POM121C: variants seen among roughly 807,000 people sequenced by gnomAD.
POM121C encodes the protein POM121 transmembrane nucleoporin C, also known as nuclear envelope pore membrane protein POM 121C.
POM121C carries 20 observed loss-of-function variants against 66.4 expected under a neutral mutation model. The observed-to-expected ratio is 0.30, with a 90% CI of 0.21 to 0.44. The LOEUF (loss-of-function observed/expected upper bound fraction) is 0.44, where lower values mean the gene tolerates loss of function less well. POM121C is among the 20% of genes least tolerant of loss of function. POM121C has a pLI of 1.00. For missense variants in POM121C, 580 were observed against 1,225.7 expected, an observed-to-expected ratio of 0.47 and a Z score of 7.87; for synonymous variants, 286 against 528.0, an observed-to-expected ratio of 0.54 and a Z score of 6.28.
chr7:75,478,437 G>A (rs1792177211), intron 1 of POM121C, among the ~76,000 whole-genome samples: 1 of 151,260 alleles, frequency 6.6e-6, no homozygotes, highest in Admixed American at 6.6e-5. Flanking sequence ...ATGGGAAAAT[G>A]GGCAGGAAAT....
intron 7 of POM121C, among the ~76,000 whole-genome samples, chr7:75,429,622 C>T (rs781816340): frequency 6.6e-6 from 1 of 152,046 alleles, no homozygotes; most frequent in Non-Finnish European, 1.5e-5. Context: ...CAGAGCGAGA[C>T]TCCATCTCAC....
At chr7:75,468,873 C>T (rs1228248178) in intron 3 of POM121C, among the ~76,000 whole-genome samples, 5 of 152,070 alleles carry the variant, frequency 3.3e-5, no homozygotes, top group Admixed American at 1.3e-4. Flanking sequence ...ATTTTTAAAA[C>T]ATTAAAAATT....
chr7:75,483,194 A>G (rs1792376236), intron 1 of POM121C, among the ~76,000 whole-genome samples: 1 of 152,226 alleles, frequency 6.6e-6, no homozygotes, highest in South Asian at 2.1e-4. Context: ...CTCTGCTTAC[A>G]TAAGCACCAA....
intron 3 of POM121C, among the ~76,000 whole-genome samples, chr7:75,466,181 C>T (rs1398862235): frequency 6.8e-6 from 1 of 147,584 alleles, no homozygotes. Flanking sequence ...TAGGTAAATT[C>T]ATAGCCCTAA....
chr7:75,448,724 G>A lies in POM121C; in HGVS notation c.-151-7077C>T, dbSNP rs587745440. ...GGTGAGGCAGGAGAATCGCTTGAAC[G>A]GGGAGGCGGAGGTTGCAGTGAGCCG... On this transcript the variant is annotated intron_variant, in intron 3 of 14. Coordinates refer to ENST00000615331, the MANE Select transcript of POM121C (RefSeq NM_001099415.3). Among the ~76,000 whole-genome samples the A allele has an allele frequency of 1.9e-4, 28 of 145,898 alleles. No homozygotes were observed. The East Asian group carries it at 5.1e-3, about 27-fold the overall frequency.
intron 3 of POM121C, among the ~76,000 whole-genome samples, chr7:75,468,629 T>G (rs587622412): frequency 6.6e-6 from 1 of 152,118 alleles, no homozygotes; most frequent in African/African-American, 2.4e-5. Context: ...GACTCCAGCA[T>G]TTTTATCTTC....
chr7:75,437,893 T>G (rs782398070), intron 6 of POM121C, among the ~76,000 whole-genome samples: 1 of 152,164 alleles, frequency 6.6e-6, no homozygotes, highest in Non-Finnish European at 1.5e-5. Flanking sequence ...TTATAGAATA[T>G]TCTGGAAAAT....
chr7:75,456,722 T>C (rs1791230224), intron 3 of POM121C, among the ~76,000 whole-genome samples: 1 of 152,284 alleles, frequency 6.6e-6, no homozygotes, highest in South Asian at 2.1e-4. Flanking sequence ...GCCGCTAAAA[T>C]GAGAAGTAAC....
intron 3 of POM121C, among the ~76,000 whole-genome samples, chr7:75,449,049 C>A (rs1488284623): frequency 6.6e-6 from 1 of 151,166 alleles, no homozygotes; most frequent in African/African-American, 2.4e-5. Flanking sequence ...GCCTTCCAAG[C>A]AGCTGGGACT....
intron 3 of POM121C, among the ~76,000 whole-genome samples, chr7:75,471,955 C>T (rs1253713416): frequency 2.0e-5 from 3 of 151,872 alleles, no homozygotes; most frequent in Non-Finnish European, 2.9e-5. Context: ...GTGTGATCTC[C>T]GCTCACTGCA....
intron 7 of POM121C, among the ~76,000 whole-genome samples, chr7:75,428,296 C>T (rs1790036396): frequency 1.3e-5 from 2 of 152,202 alleles, no homozygotes. Context: ...CATGCCACCA[C>T]AGCCGGCTAA....
At chr7:75,459,714 G>C (rs1366924052) in intron 3 of POM121C, among the ~76,000 whole-genome samples, 2 of 140,492 alleles carry the variant, frequency 1.4e-5, no homozygotes, top group African/African-American at 5.2e-5. Flanking sequence ...AGCAGTAAGA[G>C]GGTAAATATC....
At chr7:75,453,067 C>G (rs587644281) in intron 3 of POM121C, among the ~76,000 whole-genome samples, 2 of 152,252 alleles carry the variant, frequency 1.3e-5, no homozygotes, top group South Asian at 4.2e-4. Context: ...ACACCTTCTA[C>G]TCACAAACTC....
rs1310457377 is a variant in POM121C, at chr7:75,474,896, A to G, written c.-330-14T>C. 14 of 1,076,368 alleles carry G rather than the reference A, an allele frequency of 1.3e-5. No homozygotes were observed. Among genetic ancestry groups the G allele is most frequent in the South Asian group, 7.1e-5 (5 of 70,480 alleles). 66.7% of individuals were successfully genotyped at this position (1,076,368 alleles called of 1,614,324 possible). ...CCACCTCATAAGCTGCATAACAGAA[A>G]TGCTCCATTTTTTACCTTATCAAAG... On this transcript the variant is annotated splice_polypyrimidine_tract_variant and intron_variant, in intron 2 of 14. Transcript: ENST00000615331.
chr7:75,436,567 T>C (rs138622249), intron 7 of POM121C, among the ~76,000 whole-genome samples: 1,810 of 152,316 alleles, frequency 0.012, 20 homozygotes, highest in Middle Eastern at 0.041. Flanking sequence ...GATGAACTCA[T>C]CTCAAAATTT....
chr7:75,437,137 G>A (rs587723287), intron 7 of POM121C, among the ~76,000 whole-genome samples: 4 of 152,266 alleles, frequency 2.6e-5, no homozygotes, highest in African/African-American at 7.2e-5. Context: ...TCACAGCTCT[G>A]TCTCGAATCA....
intron 1 of POM121C, among the ~76,000 whole-genome samples, 199 bp downstream of exon 1, chr7:75,485,665 C>T (rs1423051169): frequency 1.3e-5 from 2 of 152,168 alleles, no homozygotes; most frequent in African/African-American, 4.8e-5. Context: ...TGACACCCTC[C>T]ACGCCTCCGT....
rs1369194690 is a variant in POM121C, at chr7:75,416,797, A to C, written c.*1999T>G. 4.0e-6 allele frequency: 6 copies of C among 1,514,100 alleles called. No homozygotes were observed. Among genetic ancestry groups the C allele is most frequent in the Non-Finnish European group, 5.3e-6 (6 of 1,130,794 alleles). The allele number at this position is 1,514,100 out of a possible 1,614,324, so 93.8% of individuals were successfully genotyped here. On this transcript the variant is annotated 3_prime_UTR_variant, in exon 15 of 15. Coordinates refer to ENST00000615331, the MANE Select transcript of POM121C (RefSeq NM_001099415.3). The stretch of plus-strand genomic sequence containing the variant: ...TGCAGAACGTACTCTACGATAGATC[A>C]CAGTTTTTTATTCTTAATGTCACAA...
chr7:75,474,325 T>A (rs1554479056), intron 3 of POM121C, among the ~76,000 whole-genome samples: 1 of 151,724 alleles, frequency 6.6e-6, no homozygotes, highest in African/African-American at 2.4e-5. Context: ...ACCTGGGAGG[T>A]GATGGTTGCA....
Sources: allele counts gnomAD v4.1 joint callset (sites outside exome capture counted in the v4.1 genomes callset), GRCh38; gene constraint gnomAD v4.1.1; transcripts MANE v1.5; gene names NCBI Gene and HGNC (gene_info 2026-07-23, HGNC 2026-07-21).